The following BAG2 variants were observed in gnomAD, a reference collection of about 807,000 sequenced individuals.
The protein encoded by BAG2 is BAG cochaperone 2.
A neutral mutation model predicts 16.4 loss-of-function variants in BAG2; 8 were observed. The ratio of observed to expected loss-of-function variants is 0.49; its 90% CI spans 0.29 to 0.88. The LOEUF (loss-of-function observed/expected upper bound fraction) is 0.88, where lower values mean the gene tolerates loss of function less well. Among genes scored for constraint, BAG2 ranks in the 40% least tolerant of loss-of-function variants. The pLI is 0.09. For synonymous variants in BAG2, 82 were observed against 89.2 expected (o/e 0.92, Z 0.46); for missense variants, 218 against 248.9 (o/e 0.88, Z 0.84).
At chr6:57,182,398 C>A (rs567906439) in intron 2 of BAG2, among the ~76,000 whole-genome samples, 1 of 151,702 alleles carries the variant, frequency 6.6e-6, no homozygotes, top group African/African-American at 2.4e-5. Context: ...AAAAGCTGGC[C>A]CCAAGCAGTA....
In BAG2 at chr6:57,183,820, G is replaced by C. The variant is rs751539179; in HGVS notation, c.266G>C (p.Gly89Ala). ...AATCTGACTGCAAACCGTTTGATGGGAAGAACTCTCACCGTTGAAGTGTCA... is the reference window on the plus strand; with the variant it reads ...AATCTGACTGCAAACCGTTTGATGGCAAGAACTCTCACCGTTGAAGTGTCA... ...ELNLTANRLM[G>A]RTLTVEVSVE... Residue 89 changes from glycine to alanine, a missense_variant, in exon 3 of 3, where the codon GGA becomes GCA. Coordinates refer to ENST00000370693, the MANE Select transcript of BAG2 (RefSeq NM_004282.4). 1 of 1,607,774 alleles carries C rather than the reference G, an allele frequency of 6.2e-7. No homozygotes were observed. The highest frequency in any genetic ancestry group is 2.2e-5 in the East Asian group (1 of 44,848).
At chr6:57,181,069 G>A (rs1764426116) in intron 1 of BAG2, among the ~76,000 whole-genome samples, 1 of 152,230 alleles carries the variant, frequency 6.6e-6, no homozygotes, top group Non-Finnish European at 1.5e-5. Context: ...CAAATAGAAA[G>A]TTGGAAAATG....
Position 57,183,953 on chromosome 6 carries a change from T to G in BAG2, c.399T>G (p.Ser133Arg). The G allele has an allele frequency of 6.2e-7, 1 of 1,613,774 alleles. No individual in the cohort carries two copies. Among genetic ancestry groups the G allele is most frequent in the Non-Finnish European group, 8.5e-7 (1 of 1,179,896 alleles). ...KFLDDLGNAK[S>R]HLMSLYSACS... ...TGGATGATTTGGGAAATGCCAAGAG[T>G]CATTTAATGTCGCTCTACAGTGCAT... is the stretch of plus-strand genomic sequence containing the variant. The change falls in exon 3 of 3, where the codon AGT (serine) becomes AGG (arginine). Residue 133 changes from serine (S) to arginine (R), a missense_variant. Around this residue, in one of 3 missense-constraint regions of BAG2, gnomAD observed 113 missense variants for 128.0 expected, o/e 0.88. Coordinates refer to ENST00000370693, the MANE Select transcript of BAG2 (RefSeq NM_004282.4).
In BAG2 at chr6:57,183,919, A is replaced by G. The variant is rs772653206; in HGVS notation, c.365A>G (p.Asn122Ser). The G allele has an allele frequency of 1.7e-5, 27 of 1,614,040 alleles. 1 individual carries two copies. The highest frequency in any genetic ancestry group is 1.1e-4 in the East Asian group (5 of 44,894). Residue 122 changes from asparagine to serine, a missense_variant, in exon 3 of 3, where the codon AAT becomes AGT. Transcript: ENST00000370693. ...HATRIIDEVVNKFLDDLGNAK... is the reference protein window; with the variant it reads ...HATRIIDEVVSKFLDDLGNAK... ...ACAAGGATTATTGATGAGGTGGTCA[A>G]TAAGTTTCTGGATGATTTGGGAAAT... is the stretch of plus-strand genomic sequence containing the variant.
chr6:57,178,486 G>A (rs1227751811), intron 1 of BAG2, among the ~76,000 whole-genome samples: 1 of 152,090 alleles, frequency 6.6e-6, no homozygotes, highest in African/African-American at 2.4e-5. Flanking sequence ...GGAGAGGAAG[G>A]GGGAAGCTAA....
intron 1 of BAG2, among the ~76,000 whole-genome samples, chr6:57,175,148 C>T (rs1334848237): frequency 6.6e-6 from 1 of 152,162 alleles, no homozygotes; most frequent in African/African-American, 2.4e-5. Flanking sequence ...TCCGTTTTGA[C>T]GATCAGTTCT....
chr6:57,181,861 T>A (rs1231712352), intron 1 of BAG2, among the ~76,000 whole-genome samples, 171 bp from the exon 2 acceptor site: 2 of 151,816 alleles, frequency 1.3e-5, no homozygotes, highest in East Asian at 3.9e-4. Context: ...GGGAGGAAAA[T>A]GGGAGAAAGG....
intron 1 of BAG2, chr6:57,174,360 C>T: frequency 1.5e-6 from 2 of 1,304,242 alleles, no homozygotes; most frequent in Non-Finnish European, 2.0e-6. Context: ...CAAGCTGAGT[C>T]ATTGTCCTCC....
At position 57,188,502 on chromosome 6, in the gene BAG2, T is replaced by TAA. The variant is rs143452107; in HGVS notation, c.*4313_*4314dup. The TAA allele has an allele frequency of 3.7e-3, 560 of 152,226 alleles. 5 individuals carry two copies. Among genetic ancestry groups the TAA allele is most frequent in the African/African-American group, 0.013 (542 of 41,550 alleles). The allele number at this position is 152,226 out of a possible 1,614,324, so 9.4% of individuals were successfully genotyped here. On this transcript the variant is annotated 3_prime_UTR_variant, in exon 3 of 3. Transcript: ENST00000370693. ...GAAAAAGAACTAACTAGAACACATA[T>TAA]AACAAGTGATTTTTCTGCCAATAAA...
rs934854067 is a variant in BAG2, at chr6:57,186,945, A to C, written c.*2755A>C. On this transcript the variant is annotated 3_prime_UTR_variant, in exon 3 of 3. Coordinates refer to ENST00000370693, the MANE Select transcript of BAG2 (RefSeq NM_004282.4). ...TTAAAGAAGTTGCATTATATATTTT[A>C]CTATTTAGATCCACACTGTTGATAC... The C allele has an allele frequency of 6.6e-6, 1 of 152,162 alleles. No individual in the cohort carries two copies. Among genetic ancestry groups the C allele is most frequent in the Non-Finnish European group, 1.5e-5 (1 of 68,024 alleles). The allele number at this position is 152,162 out of a possible 1,614,324, so 9.4% of individuals were successfully genotyped here.
At position 57,184,175 on chromosome 6, in the gene BAG2, AAGC is replaced by A. The variant is rs1764555105; in HGVS notation, c.624_626del (p.Ser208del). 1 of 1,545,186 alleles carries A rather than the reference AAGC, an allele frequency of 6.5e-7. No homozygotes were observed. Among genetic ancestry groups the A allele is most frequent in the Non-Finnish European group, 8.7e-7 (1 of 1,155,108 alleles). On this transcript the variant is annotated inframe_deletion, in exon 3 of 3. Coordinates refer to ENST00000370693, the MANE Select transcript of BAG2 (RefSeq NM_004282.4). Reference sequence around the variant, plus strand: ...CCAAAACTCTGCAACAAAATGCTGAAAGCAGATTCAATTAGTCTTCAAACCTAA... The same window carrying A: ...CCAAAACTCTGCAACAAAATGCTGAAAGATTCAATTAGTCTTCAAACCTAA...
chr6:57,174,062 A>G (rs546642783), intron 1 of BAG2: 15 of 348,646 alleles, frequency 4.3e-5, no homozygotes, highest in Admixed American at 9.8e-5. Flanking sequence ...AGGCAAGTGG[A>G]AGAGAGAAGT....
Position 57,178,866 on chromosome 6 carries a change from C to T in BAG2, c.114-3166C>T, listed in dbSNP as rs57931774. On this transcript the variant is annotated intron_variant, in intron 1 of 2. Coordinates refer to ENST00000370693, the MANE Select transcript of BAG2 (RefSeq NM_004282.4). ...GTCTCATTTAATGATAAAATATTTT[C>T]GTCATATGACAGGCTTATTATATTT... 4.3e-3 allele frequency among the ~76,000 whole-genome samples: 655 copies of T among 152,150 alleles called. 4 individuals carry two copies. The highest frequency in any genetic ancestry group is 0.015 in the African/African-American group (637 of 41,536).
chr6:57,184,300 T>G lies in BAG2; in HGVS notation c.*110T>G. 1 of 1,053,568 alleles carries G rather than the reference T, an allele frequency of 9.5e-7. No homozygotes were observed. Among genetic ancestry groups the G allele is most frequent in the South Asian group, 3.2e-5 (1 of 31,318 alleles). 65.3% of individuals were successfully genotyped at this position (1,053,568 alleles called of 1,614,324 possible). A position where few individuals can be genotyped will look rare whatever the true frequency, so the allele number is the denominator to read the frequency against. On this transcript the variant is annotated 3_prime_UTR_variant, in exon 3 of 3. Transcript: ENST00000370693. ...GGTATAACCACTTAGTTGACACTGA[T>G]AGTTGTTTCAGATGAGGAAAATATT... is the stretch of plus-strand genomic sequence containing the variant.
rs1036407845 is a variant in BAG2, at chr6:57,189,205, T to G, written c.*5015T>G. The G allele has an allele frequency of 6.6e-6, 1 of 152,090 alleles. No individual in the cohort carries two copies. Among genetic ancestry groups the G allele is most frequent in the Admixed American group, 6.5e-5 (1 of 15,270 alleles). The allele number at this position is 152,090 out of a possible 1,614,324, so 9.4% of individuals were successfully genotyped here. On this transcript the variant is annotated 3_prime_UTR_variant, in exon 3 of 3. Transcript: ENST00000370693. ...ATATTAAATCATTTTGTAAAAGAAA[T>G]GATTCTGTATGTGGGACTGACAGCT...
chr6:57,184,498 C>T lies in BAG2; in HGVS notation c.*308C>T. On this transcript the variant is annotated 3_prime_UTR_variant, in exon 3 of 3. Transcript: ENST00000370693. ...CAAACGTTCAGCTAGGGGCAAAAAG[C>T]ATGACTGCTTTTTCCTGTCTGGCAT... 1 of 191,498 alleles carries T rather than the reference C, an allele frequency of 5.2e-6. No individual in the cohort carries two copies. Among genetic ancestry groups the T allele is most frequent in the Non-Finnish European group, 1.1e-5 (1 of 93,712 alleles). The allele number at this position is 191,498 out of a possible 1,614,324, so 11.9% of individuals were successfully genotyped here.
intron 1 of BAG2, chr6:57,173,656 C>T (rs952771655): frequency 7.5e-6 from 3 of 401,630 alleles, no homozygotes; most frequent in Non-Finnish European, 1.0e-5. Context: ...AAAGTTTTAT[C>T]TACTTCCTGT....
rs774959516 is a variant in BAG2, at chr6:57,183,784, GAGA to G, written c.235_237del (p.Glu79del). On this transcript the variant is annotated inframe_deletion, in exon 3 of 3. Coordinates refer to ENST00000370693, the MANE Select transcript of BAG2 (RefSeq NM_004282.4). ...ATCTCATATTGATTTTTAGGAGAAA[GAGA>G]AGAATTAAATCTGACTGCAAACCGT... is the stretch of plus-strand genomic sequence containing the variant. 1 of 1,560,956 alleles carries G rather than the reference GAGA, an allele frequency of 6.4e-7. No individual in the cohort carries two copies. The highest frequency in any genetic ancestry group is 1.2e-5 in the South Asian group (1 of 82,046).
chr6:57,173,609 T>G, intron 1 of BAG2: 1 of 736,650 alleles, frequency 1.4e-6, no homozygotes, highest in Non-Finnish European at 1.7e-6. Flanking sequence ...CAATTTAATG[T>G]TAATAGATTT....
Sources: gnomAD v4.1 joint callset for allele counts (sites outside exome capture counted in the v4.1 genomes callset) on GRCh38, gnomAD v4.1.1 for gene constraint, gnomAD v4.1.1 regional missense constraint, MANE v1.5 for transcripts, NCBI Gene and HGNC (gene_info 2026-07-23, HGNC 2026-07-21) for gene names.